CENPP: variants seen among roughly 807,000 people sequenced by gnomAD.
The protein encoded by CENPP is centromere protein P.
A neutral mutation model predicts 35.6 loss-of-function variants in CENPP; 24 were observed. That is an observed-to-expected ratio of 0.67 (90% CI 0.49 to 0.95). The LOEUF (loss-of-function observed/expected upper bound fraction) is 0.95, where lower values mean the gene tolerates loss of function less well. Ranked by LOEUF, CENPP falls within the 40% of genes least tolerant of loss-of-function variation. The pLI, the probability that CENPP is intolerant of heterozygous loss-of-function variation, is 0.00. For synonymous variants in CENPP, 120 were observed against 125.5 expected (o/e 0.96, Z 0.29); for missense variants, 332 against 345.3 (o/e 0.96, Z 0.31).
At chr9:92,375,136 C>CT (rs1044248048) in intron 4 of CENPP, among the ~76,000 whole-genome samples, 2 of 151,554 alleles carry the variant, frequency 1.3e-5, no homozygotes, top group African/African-American at 4.9e-5. Context: ...TTTCAGCTCC[C>CT]TTTTTTTTCA....
At chr9:92,439,023 G>A (rs894779218) in intron 5 of CENPP, among the ~76,000 whole-genome samples, 7 of 152,240 alleles carry the variant, frequency 4.6e-5, no homozygotes, top group South Asian at 4.1e-4. Flanking sequence ...GTAAATGCTT[G>A]GTGCTGTTCT....
At chr9:92,404,249 G>T (rs1843234140) in intron 5 of CENPP, among the ~76,000 whole-genome samples, 1 of 152,058 alleles carries the variant, frequency 6.6e-6, no homozygotes, top group Non-Finnish European at 1.5e-5. Context: ...CATTATAGAT[G>T]CCAGTTTGTC....
intron 5 of CENPP, chr9:92,404,545 T>C (rs1340385340): frequency 1.5e-6 from 2 of 1,299,652 alleles, no homozygotes; most frequent in East Asian, 5.6e-5. Flanking sequence ...TAGATGTTCA[T>C]GTCTGTGCAT....
intron 5 of CENPP, among the ~76,000 whole-genome samples, chr9:92,601,562 A>G (rs1850919620): frequency 6.6e-6 from 1 of 152,202 alleles, no homozygotes; most frequent in African/African-American, 2.4e-5. Context: ...TTTAAACGCC[A>G]CGCTGTGACC....
At chr9:92,500,471 C>T (rs888095243) in intron 5 of CENPP, among the ~76,000 whole-genome samples, 1 of 152,254 alleles carries the variant, frequency 6.6e-6, no homozygotes, top group Non-Finnish European at 1.5e-5. Context: ...GCGTGAGCCA[C>T]TGCACCTGAC....
intron 5 of CENPP, among the ~76,000 whole-genome samples, chr9:92,479,594 C>G (rs1210550423): frequency 1.3e-5 from 2 of 152,180 alleles, no homozygotes; most frequent in Non-Finnish European, 2.9e-5. Context: ...TACCTCAAGG[C>G]AGCATCTTCC....
intron 5 of CENPP, among the ~76,000 whole-genome samples, chr9:92,592,297 A>G (rs1850684174): frequency 1.3e-5 from 2 of 152,224 alleles, no homozygotes; most frequent in Admixed American, 1.3e-4. Flanking sequence ...ACTCCTTTCC[A>G]TTCATTCTCC....
intron 5 of CENPP, among the ~76,000 whole-genome samples, chr9:92,458,301 A>C (rs1564331268): frequency 6.6e-6 from 1 of 152,208 alleles, no homozygotes. Context: ...CAATCTACTT[A>C]ACTGACAGCA....
At chr9:92,368,941 G>C (rs889886085) in intron 4 of CENPP, among the ~76,000 whole-genome samples, 3 of 152,162 alleles carry the variant, frequency 2.0e-5, no homozygotes, top group Non-Finnish European at 2.9e-5. Flanking sequence ...CTGCTCAGGA[G>C]ACTGACATGG....
intron 5 of CENPP, among the ~76,000 whole-genome samples, chr9:92,393,768 T>G (rs1030627068): frequency 6.6e-6 from 1 of 152,178 alleles, no homozygotes; most frequent in African/African-American, 2.4e-5. Context: ...CCTTTTCCTG[T>G]TTTTGAAAAG....
intron 5 of CENPP, among the ~76,000 whole-genome samples, chr9:92,602,529 T>A: frequency 6.6e-6 from 1 of 152,128 alleles, no homozygotes; most frequent in Non-Finnish European, 1.5e-5. Flanking sequence ...CAATCTGTGG[T>A]GCCAGCAGCT....
At chr9:92,530,212 C>A (rs72754439) in intron 5 of CENPP, among the ~76,000 whole-genome samples, 1 of 152,058 alleles carries the variant, frequency 6.6e-6, no homozygotes, top group Admixed American at 6.6e-5. Context: ...AAGGTGGGTA[C>A]ATGTCATTAA....
At chr9:92,547,484 T>A (rs188339988) in intron 5 of CENPP, among the ~76,000 whole-genome samples, 1 of 152,372 alleles carries the variant, frequency 6.6e-6, no homozygotes. Context: ...AAAAGGAATG[T>A]CATACTGACA....
At chr9:92,421,890 G>A (rs1177889328) in intron 5 of CENPP, among the ~76,000 whole-genome samples, 1 of 152,142 alleles carries the variant, frequency 6.6e-6, no homozygotes, top group East Asian at 1.9e-4. Flanking sequence ...GCTTACCTCA[G>A]CCTTACGGAG....
intron 5 of CENPP, among the ~76,000 whole-genome samples, chr9:92,528,619 A>G (rs1234125421): frequency 7.1e-6 from 1 of 141,512 alleles, no homozygotes; most frequent in East Asian, 1.9e-4. Context: ...GTGTTCCACC[A>G]GTCAGAGTGG....
At chr9:92,532,025 T>TA (rs1327263663) in intron 5 of CENPP, among the ~76,000 whole-genome samples, 2 of 125,810 alleles carry the variant, frequency 1.6e-5, no homozygotes, top group Admixed American at 7.7e-5. Context: ...GTTTTTTTTT[T>TA]TTTATTTTAT....
At chr9:92,399,071 C>T (rs1012473121) in intron 5 of CENPP, among the ~76,000 whole-genome samples, 2 of 151,188 alleles carry the variant, frequency 1.3e-5, no homozygotes, top group African/African-American at 2.4e-5. Context: ...AAAAAAAAAT[C>T]CTCAAAGTTG....
chr9:92,376,754 A>G (rs1490375256), intron 4 of CENPP, among the ~76,000 whole-genome samples: 1 of 152,180 alleles, frequency 6.6e-6, no homozygotes, highest in Non-Finnish European at 1.5e-5. Context: ...AAAAGGGAAG[A>G]TGGAGACCAG....
chr9:92,539,440 T>C (rs1035207540), intron 5 of CENPP, among the ~76,000 whole-genome samples: 2 of 150,730 alleles, frequency 1.3e-5, no homozygotes, highest in Non-Finnish European at 2.9e-5. Context: ...TTTATGGGTT[T>C]GAGTCCCATT....
Sources: allele counts gnomAD v4.1 joint callset (sites outside exome capture counted in the v4.1 genomes callset), GRCh38; gene constraint gnomAD v4.1.1; transcripts MANE v1.5; gene names NCBI Gene and HGNC (gene_info 2026-07-23, HGNC 2026-07-21).